PES1: variants seen among roughly 807,000 people sequenced by gnomAD.
PES1 encodes the protein pescadillo ribosomal biogenesis factor 1, also known as pescadillo homolog.
Under a neutral mutation model 77.1 loss-of-function variants are expected in PES1, and 31 were observed. The observed-to-expected ratio is 0.40, with a 90% confidence interval of 0.30 to 0.54. The LOEUF (loss-of-function observed/expected upper bound fraction) is 0.54, where lower values mean the gene tolerates loss of function less well. Ranked by LOEUF, PES1 falls within the 20% of genes least tolerant of loss-of-function variation. PES1 has a pLI of 0.45. For synonymous variants in PES1, 282 were observed against 303.0 expected (o/e 0.93, Z 0.72); for missense variants, 658 against 771.7 (o/e 0.85, Z 1.75).
intron 2 of PES1, among the ~76,000 whole-genome samples, chr22:30,598,659 C>A (rs940072994): frequency 6.6e-6 from 1 of 151,924 alleles, no homozygotes; most frequent in Admixed American, 6.6e-5. Flanking sequence ...GAACTCCTTA[C>A]CTTAAGTGAC....
chr22:30,605,943 G>A (rs1235612051), intron 1 of PES1, among the ~76,000 whole-genome samples: 1 of 152,202 alleles, frequency 6.6e-6, no homozygotes, highest in African/African-American at 2.4e-5. Flanking sequence ...TAAGGTCATA[G>A]TGTCTTCACA....
chr22:30,578,990 C>A lies in PES1; in HGVS notation c.1530G>T (p.Arg510Ser), dbSNP rs530723408. The A allele has an allele frequency of 8.7e-6, 14 of 1,610,706 alleles. No individual in the cohort carries two copies. In the African/African-American group the frequency reaches 1.1e-4, roughly 12 times the overall value. ...EEQRMEGKKPRVMAGTLKLED... is the reference protein window; with the variant it reads ...EEQRMEGKKPSVMAGTLKLED... ...CCAGCTTCAAGGTGCCTGCCATCAC[C>A]CTGGGCTTCTGGGGACACAAGGAGG... The change falls in exon 14 of 15, where the codon AGG (arginine) becomes AGT (serine). Residue 510 changes from arginine (R) to serine (S), a missense_variant. Physicochemically the swap from Arg to Ser is moderately radical, Grantham distance 110 (BLOSUM62 -1). Coordinates refer to ENST00000354694, the MANE Select transcript of PES1 (RefSeq NM_014303.4).
intron 2 of PES1, among the ~76,000 whole-genome samples, chr22:30,599,810 G>GA (rs2087325744): frequency 6.6e-6 from 1 of 152,128 alleles, no homozygotes; most frequent in Non-Finnish European, 1.5e-5. Context: ...TGAGGCGGGG[G>GA]AATCGCTTGA....
intron 6 of PES1, among the ~76,000 whole-genome samples, chr22:30,583,584 G>T (rs1247109029): frequency 6.6e-6 from 1 of 152,206 alleles, no homozygotes; most frequent in Non-Finnish European, 1.5e-5. Context: ...CAAAACCAGG[G>T]TTTCTCTCAG....
chr22:30,584,243 T>C (rs1379094387), intron 6 of PES1, 122 bp downstream of exon 6: 9 of 761,098 alleles, frequency 1.2e-5, no homozygotes, highest in Non-Finnish European at 2.0e-5. Flanking sequence ...GCCTCACCCC[T>C]CATCAACAGT....
intron 12 of PES1, 74 bp from the exon 13 acceptor site, chr22:30,579,377 C>T (rs766107209): frequency 1.2e-5 from 19 of 1,593,022 alleles, no homozygotes; most frequent in Admixed American, 1.7e-5. Flanking sequence ...CAGGCCCAGG[C>T]CCCATCCTCT....
chr22:30,589,396 G>A, intron 1 of PES1, 126 bp from the exon 2 acceptor site: 1 of 785,474 alleles, frequency 1.3e-6, no homozygotes, highest in South Asian at 1.7e-5. Context: ...TCTAGGAGAG[G>A]AAACACTGCA....
upstream of PES1, among the ~76,000 whole-genome samples, chr22:30,594,133 C>T (rs1395520890): frequency 6.6e-6 from 1 of 152,214 alleles, no homozygotes; most frequent in African/African-American, 2.4e-5. Context: ...GCCACTTTAC[C>T]TCAGGGTACC....
intron 1 of PES1, among the ~76,000 whole-genome samples, chr22:30,590,445 T>C (rs2087159814): frequency 1.3e-5 from 2 of 152,220 alleles, no homozygotes; most frequent in Non-Finnish European, 2.9e-5. Flanking sequence ...TCATGAAACA[T>C]ACCCTTCATT....
At chr22:30,590,780 A>G (rs1398074114) in intron 1 of PES1, among the ~76,000 whole-genome samples, 1 of 152,182 alleles carries the variant, frequency 6.6e-6, no homozygotes, top group Non-Finnish European at 1.5e-5. Context: ...ACTACACACA[A>G]GACAATCCTT....
intron 2 of PES1, among the ~76,000 whole-genome samples, chr22:30,602,444 T>G (rs2087370746): frequency 6.6e-6 from 1 of 150,900 alleles, no homozygotes; most frequent in African/African-American, 2.4e-5. Context: ...AATACTTTTT[T>G]TTTTTTGACA....
Position 30,577,112 on chromosome 22 carries a change from C to G in PES1, c.1701G>C (p.Glu567Asp). 6.2e-7 allele frequency: 1 copy of G among 1,614,154 alleles called. No homozygotes were observed. Among genetic ancestry groups the G allele is most frequent in the Non-Finnish European group, 8.5e-7 (1 of 1,180,042 alleles). ...CCGCCTCATCGTGGGCTTTCCGCTT[C>G]TCCGCCAGCTTGTTGGCCTGTGAGG... The part of the protein sequence containing the change: ...RKIREANKLA[E>D]KRKAHDEAVR... The change falls in exon 15 of 15, where the codon GAG becomes GAC. Residue 567 changes from glutamate to aspartate, a missense_variant. Glu to Asp is a conservative substitution (Grantham distance 45). Transcript: ENST00000354694.
At chr22:30,593,482 A>G (rs536557635), upstream of PES1, among the ~76,000 whole-genome samples, 141 of 151,686 alleles carry the variant, frequency 9.3e-4, 1 homozygote, top group East Asian at 3.9e-4. Flanking sequence ...CGACAGAGCG[A>G]GGCTCCATCT....
At chr22:30,599,904 A>G (rs2146495011) in intron 2 of PES1, among the ~76,000 whole-genome samples, 1 of 152,154 alleles carries the variant, frequency 6.6e-6, no homozygotes, top group Middle Eastern at 3.4e-3. Context: ...ATCTCAAAAC[A>G]AAAAGAAAAT....
At chr22:30,605,359 T>A (rs949821122) in intron 2 of PES1, 1 of 555,294 alleles carries the variant, frequency 1.8e-6, no homozygotes, top group Admixed American at 6.4e-5. Flanking sequence ...TAGCACTGAG[T>A]CCAGGTAGGT....
Position 30,580,073 on chromosome 22 carries a change from C to A in PES1, c.1149G>T (p.Gln383His), listed in dbSNP as rs776909371. 48 of 1,614,064 alleles carry A rather than the reference C, an allele frequency of 3.0e-5. No homozygotes were observed. The highest frequency in any genetic ancestry group is 4.1e-5 in the Non-Finnish European group (48 of 1,179,956). Residue 383 changes from glutamine to histidine, a missense_variant, in exon 11 of 15, where the codon CAG becomes CAT. Gln to His is a conservative substitution (Grantham distance 24). Transcript: ENST00000354694. ...CCTACCTGCCAATGACTGAGGTCTGCTGCCCAGGCCGGTCGACAATCTGAT... is the reference window on the plus strand; with the variant it reads ...CCTACCTGCCAATGACTGAGGTCTGATGCCCAGGCCGGTCGACAATCTGAT... ...ITHQIVDRPG[Q>H]QTSVIGRCYV...
intron 1 of PES1, 132 bp downstream of exon 1, chr22:30,591,678 G>T: frequency 1.0e-6 from 1 of 988,424 alleles, no homozygotes; most frequent in Non-Finnish European, 1.4e-6. Context: ...ACCCCTTCTC[G>T]CAGCTGATTA....
chr22:30,596,620 GT>G (rs1367961592), upstream of PES1, among the ~76,000 whole-genome samples: 1 of 152,208 alleles, frequency 6.6e-6, no homozygotes, highest in Non-Finnish European at 1.5e-5. Context: ...ACAAGTTCCA[GT>G]TTTGTCAAAA....
rs2087121263 is a variant in PES1, at chr22:30,588,150, A to C, written c.129T>G (p.Ile43Met). 1 of 1,614,034 alleles carries C rather than the reference A, an allele frequency of 6.2e-7. No individual in the cohort carries two copies. The highest frequency in any genetic ancestry group is 8.5e-7 in the Non-Finnish European group (1 of 1,180,040). ...TCTTGTGTTTGGGTTCATGGGGATA[A>C]ATGCCCTTCAGAATGCACAGCCGCC... ...DFRRLCILKGIYPHEPKHKKK... is the reference protein window; with the variant it reads ...DFRRLCILKGMYPHEPKHKKK... The change falls in exon 3 of 15, where the codon ATT becomes ATG. Residue 43 changes from isoleucine (I) to methionine (M), a missense_variant. Coordinates refer to ENST00000354694, the MANE Select transcript of PES1 (RefSeq NM_014303.4).
Sources: allele counts gnomAD v4.1 joint callset (sites outside exome capture counted in the v4.1 genomes callset), GRCh38; gene constraint gnomAD v4.1.1; transcripts MANE v1.5; gene names NCBI Gene and HGNC (gene_info 2026-07-23, HGNC 2026-07-21).